Variants in FHIT observed in about 807,000 individuals in gnomAD.
FHIT encodes fragile histidine triad diadenosine triphosphatase, also known as bis(5'-adenosyl)-triphosphatase.
A neutral mutation model predicts 17.9 loss-of-function variants in FHIT; 19 were observed. The ratio of observed to expected loss-of-function variants is 1.06; its 90% CI spans 0.74 to 1.56. The LOEUF (loss-of-function observed/expected upper bound fraction) is 1.56, where lower values mean the gene tolerates loss of function less well. Among genes scored for constraint, FHIT ranks in the 40% most tolerant of loss-of-function variants. The probability of loss-of-function intolerance (pLI) is 0.00; values close to 1 mark genes in which losing one functional copy is unlikely to be tolerated. For missense variants in FHIT, 248 were observed against 189.2 expected (o/e 1.31, Z -1.82); for synonymous variants, 81 against 69.7 (o/e 1.16, Z -0.81).
At chr3:61,194,015 G>A (rs188675321) in intron 2 of FHIT, among the ~76,000 whole-genome samples, 49 of 118,546 alleles carry the variant, frequency 4.1e-4, no homozygotes, top group African/African-American at 1.5e-3. Context: ...AAAGGGGTGT[G>A]TTCTACTGGA....
chr3:61,095,943 G>C (rs2035625467), intron 2 of FHIT, among the ~76,000 whole-genome samples: 2 of 152,156 alleles, frequency 1.3e-5, no homozygotes, highest in South Asian at 4.1e-4. Context: ...TTCTTCTAGA[G>C]GCCACAGGCA....
At chr3:60,027,597 G>A (rs970790406) in intron 5 of FHIT, among the ~76,000 whole-genome samples, 4 of 151,622 alleles carry the variant, frequency 2.6e-5, no homozygotes, top group Non-Finnish European at 5.9e-5. Context: ...CTGCAACCTC[G>A]AATACTACGC....
chr3:59,913,516 A>G (rs530377835), intron 8 of FHIT, among the ~76,000 whole-genome samples: 87 of 152,302 alleles, frequency 5.7e-4, no homozygotes, highest in Non-Finnish European at 1.0e-3. Context: ...CTTGGCACCT[A>G]GCAGACAGTC....
chr3:60,640,614 A>T (rs1282732969), intron 4 of FHIT, among the ~76,000 whole-genome samples: 2 of 152,152 alleles, frequency 1.3e-5, no homozygotes, highest in African/African-American at 4.8e-5. Context: ...AAGGTGGAGG[A>T]TTGAGAGAAA....
At chr3:60,251,100 T>A (rs1171653147) in intron 5 of FHIT, among the ~76,000 whole-genome samples, 2 of 152,184 alleles carry the variant, frequency 1.3e-5, no homozygotes, top group Non-Finnish European at 2.9e-5. Flanking sequence ...AAGACATACC[T>A]TTTGAGCTTT....
intron 4 of FHIT, among the ~76,000 whole-genome samples, chr3:60,808,448 G>A (rs187515908): frequency 4.6e-4 from 70 of 152,144 alleles, no homozygotes; most frequent in Admixed American, 9.2e-4. Flanking sequence ...TAGGCTTTAG[G>A]TTCATTTTCT....
intron 5 of FHIT, among the ~76,000 whole-genome samples, chr3:60,137,121 CA>C (rs1443995128): frequency 6.6e-6 from 1 of 152,148 alleles, no homozygotes; most frequent in Non-Finnish European, 1.5e-5. Flanking sequence ...ACATTTCCAC[CA>C]AATGCACGGA....
At chr3:59,965,766 A>C (rs1707897645) in intron 7 of FHIT, among the ~76,000 whole-genome samples, 1 of 152,220 alleles carries the variant, frequency 6.6e-6, no homozygotes, top group Non-Finnish European at 1.5e-5. Context: ...ATTAGAATTG[A>C]TATTCAAAAC....
chr3:60,403,789 C>T (rs959850087), intron 5 of FHIT, among the ~76,000 whole-genome samples: 34 of 152,264 alleles, frequency 2.2e-4, no homozygotes, highest in African/African-American at 7.5e-4. Context: ...AGCCCAAGTA[C>T]AAAATTGGAC....
intron 4 of FHIT, among the ~76,000 whole-genome samples, chr3:60,633,446 T>C (rs529747070): frequency 6.6e-5 from 10 of 152,332 alleles, no homozygotes; most frequent in South Asian, 6.2e-4. Flanking sequence ...CAAATTATTA[T>C]ATTTAAGTAT....
intron 7 of FHIT, among the ~76,000 whole-genome samples, chr3:59,941,857 C>T (rs1188561249): frequency 1.3e-5 from 2 of 152,128 alleles, no homozygotes; most frequent in Non-Finnish European, 2.9e-5. Flanking sequence ...GTGATAAGGG[C>T]TGAGGATGAA....
intron 3 of FHIT, among the ~76,000 whole-genome samples, chr3:61,034,715 T>C (rs2033160570): frequency 6.6e-6 from 1 of 152,096 alleles, no homozygotes. Flanking sequence ...CTGTGGAAAA[T>C]AGTTTTGTAG....
At chr3:60,002,259 C>T (rs1699757524) in intron 7 of FHIT, among the ~76,000 whole-genome samples, 1 of 152,008 alleles carries the variant, frequency 6.6e-6, no homozygotes, top group Non-Finnish European at 1.5e-5. Context: ...GTTGAATAAG[C>T]CTAGAATTTC....
At chr3:60,657,781 G>A (rs1211598126) in intron 4 of FHIT, among the ~76,000 whole-genome samples, 1 of 152,110 alleles carries the variant, frequency 6.6e-6, no homozygotes, top group Non-Finnish European at 1.5e-5. Context: ...TATCTGATCA[G>A]ATTCCATATC....
chr3:60,185,978 T>A (rs1332736616), intron 5 of FHIT, among the ~76,000 whole-genome samples: 2 of 152,228 alleles, frequency 1.3e-5, no homozygotes, highest in Admixed American at 1.3e-4. Context: ...GATCTTTTGA[T>A]CATTTTTAAA....
At chr3:60,812,156 T>A (rs1444712020) in intron 4 of FHIT, among the ~76,000 whole-genome samples, 1 of 151,056 alleles carries the variant, frequency 6.6e-6, no homozygotes, top group Non-Finnish European at 1.5e-5. Flanking sequence ...TATAAACATG[T>A]CTATTGGAAA....
intron 8 of FHIT, among the ~76,000 whole-genome samples, chr3:59,831,610 C>T (rs1032607945): frequency 3.9e-5 from 6 of 152,108 alleles, no homozygotes; most frequent in Admixed American, 3.3e-4. Flanking sequence ...ATAAGACTGT[C>T]TGTCCCAGAT....
chr3:60,007,233 G>A (rs890865543), intron 7 of FHIT, among the ~76,000 whole-genome samples: 3 of 152,052 alleles, frequency 2.0e-5, no homozygotes, highest in South Asian at 2.1e-4. Flanking sequence ...AAGCAGCATC[G>A]CTTCTAAAGA....
intron 5 of FHIT, among the ~76,000 whole-genome samples, chr3:60,492,426 C>G (rs1267380559): frequency 6.6e-6 from 1 of 151,744 alleles, no homozygotes; most frequent in South Asian, 2.1e-4. Flanking sequence ...AAATCTAGGT[C>G]ATAAATACTT....
Sources: gnomAD v4.1 joint callset for allele counts (sites outside exome capture counted in the v4.1 genomes callset) on GRCh38, gnomAD v4.1.1 for gene constraint, MANE v1.5 for transcripts, NCBI Gene and HGNC (gene_info 2026-07-23, HGNC 2026-07-21) for gene names.